The following ANO2 variants were observed in gnomAD, a reference collection of about 807,000 sequenced individuals.
ANO2 encodes anoctamin-2.
ANO2 carries 101 observed loss-of-function variants against 124.2 expected under a neutral mutation model. The observed-to-expected ratio is 0.81, with a 90% confidence interval of 0.69 to 0.96. ANO2 has a LOEUF of 0.96. ANO2 is among the 40% of genes least tolerant of loss of function. The pLI is 0.00. For missense variants in ANO2, 1,293 were observed against 1,274.5 expected (o/e 1.01, Z -0.22); for synonymous variants, 486 against 482.5 (o/e 1.01, Z -0.09).
At position 5,904,634 on chromosome 12, in the gene ANO2, C is replaced by T. The variant is rs887024053; in HGVS notation, c.534+16406G>A. ...AGGTGACCCTGGTACCACACGGCCCCGACATGCCACAGCACCCGATGCTCC... is the reference window on the plus strand; with the variant it reads ...AGGTGACCCTGGTACCACACGGCCCTGACATGCCACAGCACCCGATGCTCC... On this transcript the variant is annotated intron_variant, in intron 3 of 24. Transcript: ENST00000682330. This position sits in a 1 kb window ranked among gnomAD's most constrained non-coding sequence, Gnocchi z 4.1. 1.3e-5 allele frequency among the ~76,000 whole-genome samples: 2 copies of T among 152,178 alleles called. No individual in the cohort carries two copies. Among genetic ancestry groups the T allele is most frequent in the African/African-American group, 2.4e-5 (1 of 41,456 alleles).
chr12:5,900,630 T>C lies in ANO2; in HGVS notation c.534+20410A>G, dbSNP rs545108277. ...TAAAAAAAAAACATGGGGGAGCATT[T>C]GCTCTACCTCCGCATTTAACGTGTG... On this transcript the variant is annotated intron_variant, in intron 3 of 24. Coordinates refer to ENST00000682330, the MANE Select transcript of ANO2 (RefSeq NM_001364791.2). This position sits in a 1 kb window ranked among gnomAD's most constrained non-coding sequence, Gnocchi z 4.2. Among the ~76,000 whole-genome samples the C allele has an allele frequency of 2.6e-5, 4 of 151,380 alleles. No individual in the cohort carries two copies. In the East Asian group the frequency reaches 7.7e-4, roughly 29 times the overall value.
At position 5,919,577 on chromosome 12, in the gene ANO2, T is replaced by C. The variant is rs376702667; in HGVS notation, c.534+1463A>G. On this transcript the variant is annotated intron_variant, in intron 3 of 24. Transcript: ENST00000682330. ...AAGGTGCCCAAAGCAGAGAGGGCAATAGCACAAAGACCTGAGGTCAAGGTG... is the reference window on the plus strand; with the variant it reads ...AAGGTGCCCAAAGCAGAGAGGGCAACAGCACAAAGACCTGAGGTCAAGGTG... Among the ~76,000 whole-genome samples the C allele has an allele frequency of 1.9e-4, 25 of 133,982 alleles. No individual in the cohort carries two copies. The East Asian group carries it at 2.2e-3, about 12-fold the overall frequency. The allele number at this position is 133,982 out of a possible 152,430, so 87.9% of individuals were successfully genotyped here.
chr12:5,642,009 T>C (rs60651870), intron 15 of ANO2, among the ~76,000 whole-genome samples: 1 of 152,124 alleles, frequency 6.6e-6, no homozygotes, highest in Non-Finnish European at 1.5e-5. Flanking sequence ...GATGATGACA[T>C]TGATGATGAC....
intron 20 of ANO2, among the ~76,000 whole-genome samples, chr12:5,579,020 T>A (rs1373485355): frequency 2.0e-5 from 3 of 152,338 alleles, no homozygotes; most frequent in South Asian, 2.1e-4. Flanking sequence ...ATAAAGTGAC[T>A]AGGTTTGGCC....
intron 11 of ANO2, among the ~76,000 whole-genome samples, chr12:5,749,199 T>C (rs1163428112): frequency 6.6e-6 from 1 of 152,186 alleles, no homozygotes; most frequent in Admixed American, 6.5e-5. Context: ...ATGCACAGTT[T>C]CTGGTTTTTT....
At chr12:5,583,290 G>A (rs1362586873) in intron 20 of ANO2, among the ~76,000 whole-genome samples, 3 of 152,140 alleles carry the variant, frequency 2.0e-5, no homozygotes, top group Non-Finnish European at 2.9e-5. Flanking sequence ...AGAAGACTTC[G>A]AAGAAAGTTG....
chr12:5,778,619 T>C (rs1591606365), intron 10 of ANO2, among the ~76,000 whole-genome samples: 1 of 152,342 alleles, frequency 6.6e-6, no homozygotes, highest in East Asian at 1.9e-4. Context: ...GTGTTAGTAT[T>C]ACATGAAATA....
chr12:5,812,514 GAGGA>G (rs1395645791), intron 7 of ANO2, among the ~76,000 whole-genome samples: 10 of 93,866 alleles, frequency 1.1e-4, no homozygotes, highest in Non-Finnish European at 1.1e-4. Flanking sequence ...GGGAGGGAAG[GAGGA>G]AGGGAGGGAG....
intron 1 of ANO2, among the ~76,000 whole-genome samples, chr12:5,937,955 C>A (rs1296694280): frequency 1.3e-5 from 2 of 152,148 alleles, no homozygotes; most frequent in African/African-American, 4.8e-5. Context: ...TGAGGTCTTG[C>A]CACTCTGGCT....
intron 7 of ANO2, among the ~76,000 whole-genome samples, chr12:5,821,102 T>C (rs951083061): frequency 2.0e-5 from 3 of 152,194 alleles, no homozygotes; most frequent in African/African-American, 7.2e-5. Flanking sequence ...TCCATTACAT[T>C]GATGACATTA....
At chr12:5,749,059 A>G (rs945344432) in intron 11 of ANO2, among the ~76,000 whole-genome samples, 7 of 152,162 alleles carry the variant, frequency 4.6e-5, no homozygotes, top group African/African-American at 1.7e-4. Context: ...TTTATTCTAG[A>G]TATTGACAAC....
rs1041875479 is a variant in ANO2 at position 5,787,659 on chromosome 12, G to T, written c.1055+11848C>A. ...AGCAAACATCTAACTGTTAGCTGTT[G>T]TCATTATTTTCCTCATCTTTGCCTG... On this transcript the variant is annotated intron_variant, in intron 10 of 24. Coordinates refer to ENST00000682330, the MANE Select transcript of ANO2 (RefSeq NM_001364791.2). The surrounding 1 kb of genome is among the most constrained non-coding windows in gnomAD (Gnocchi z 4.2). 3.3e-5 allele frequency among the ~76,000 whole-genome samples: 5 copies of T among 152,338 alleles called. No homozygotes were observed. Among genetic ancestry groups the T allele is most frequent in the African/African-American group, 1.2e-4 (5 of 41,570 alleles).
intron 14 of ANO2, among the ~76,000 whole-genome samples, chr12:5,669,847 T>C (rs575185470): frequency 2.0e-5 from 3 of 152,354 alleles, no homozygotes; most frequent in African/African-American, 7.2e-5. Context: ...CTGAGAGAAG[T>C]GATCTTACTC....
At chr12:5,891,477 T>C (rs911826320) in intron 3 of ANO2, among the ~76,000 whole-genome samples, 1 of 152,176 alleles carries the variant, frequency 6.6e-6, no homozygotes, top group Non-Finnish European at 1.5e-5. Context: ...CCAAGATTTC[T>C]GGCTGAAGGA....
intron 1 of ANO2, among the ~76,000 whole-genome samples, chr12:5,943,421 TATC>T (rs950828293): frequency 6.6e-6 from 1 of 152,096 alleles, no homozygotes; most frequent in African/African-American, 2.4e-5. Context: ...GGTAACTAAA[TATC>T]ATATGTTCTC....
At chr12:5,748,841 T>C (rs1591566211) in intron 11 of ANO2, among the ~76,000 whole-genome samples, 29 of 95,356 alleles carry the variant, frequency 3.0e-4, no homozygotes, top group Admixed American at 7.5e-4. Flanking sequence ...CTCCCTCCCC[T>C]CTCCCCCTTC....
At chr12:5,809,780 C>T (rs1045317229) in intron 7 of ANO2, among the ~76,000 whole-genome samples, 1 of 152,220 alleles carries the variant, frequency 6.6e-6, no homozygotes, top group African/African-American at 2.4e-5. Context: ...TCCCCAGAGG[C>T]CTGACCTGCG....
intron 16 of ANO2, among the ~76,000 whole-genome samples, chr12:5,615,850 G>C (rs1348691220): frequency 6.6e-6 from 1 of 152,064 alleles, no homozygotes; most frequent in Non-Finnish European, 1.5e-5. Flanking sequence ...TGTCCTGTGG[G>C]GAACCTAAGA....
At chr12:5,786,186 C>A (rs1474239949) in intron 10 of ANO2, among the ~76,000 whole-genome samples, 1 of 152,126 alleles carries the variant, frequency 6.6e-6, no homozygotes, top group Non-Finnish European at 1.5e-5. Context: ...AGATCCTAGG[C>A]CCTGCCCCCA....
Sources: allele counts gnomAD v4.1 joint callset (sites outside exome capture counted in the v4.1 genomes callset), GRCh38; gene constraint gnomAD v4.1.1; non-coding constraint Gnocchi (gnomAD v3.1); transcripts MANE v1.5; gene names NCBI Gene and HGNC (gene_info 2026-07-23, HGNC 2026-07-21).